The following THSD7B variants were observed in gnomAD, a reference collection of about 807,000 sequenced individuals.
THSD7B encodes the protein thrombospondin type 1 domain containing 7B.
In THSD7B, 138 loss-of-function variants were observed where a neutral mutation model predicts 213.6. The observed-to-expected ratio is 0.65, with a 90% CI of 0.56 to 0.74. The LOEUF (loss-of-function observed/expected upper bound fraction) is 0.74. Ranked by LOEUF, THSD7B falls within the 30% of genes least tolerant of loss-of-function variation. THSD7B has a pLI of 0.00. For missense variants in THSD7B, 1,931 were observed against 1,991.5 expected (o/e 0.97, Z 0.58); for synonymous variants, 742 against 687.0 (o/e 1.08, Z -1.25).
intron 17 of THSD7B, among the ~76,000 whole-genome samples, chr2:137,587,900 C>T (rs1178832687): frequency 2.0e-5 from 3 of 152,224 alleles, no homozygotes; most frequent in Non-Finnish European, 4.4e-5. Context: ...GAGGTTTCTG[C>T]TGCCTTTTGT....
intron 10 of THSD7B, among the ~76,000 whole-genome samples, chr2:137,249,248 T>C (rs1682113825): frequency 6.6e-6 from 1 of 152,126 alleles, no homozygotes; most frequent in South Asian, 2.1e-4. Context: ...TATTTTTTCC[T>C]ATATATTTTT....
chr2:137,289,230 G>T (rs1014630532), intron 12 of THSD7B, among the ~76,000 whole-genome samples: 10 of 151,472 alleles, frequency 6.6e-5, no homozygotes, highest in Admixed American at 2.0e-4. Flanking sequence ...TGAATAAAAG[G>T]GTGAAGAAGG....
chr2:137,240,088 A>T (rs1375843932), intron 9 of THSD7B, among the ~76,000 whole-genome samples: 1 of 152,196 alleles, frequency 6.6e-6, no homozygotes, highest in African/African-American at 2.4e-5. Context: ...GTTTCAACAT[A>T]TAGATTTTGG....
chr2:136,983,662 G>C (rs1292397956), intron 2 of THSD7B, among the ~76,000 whole-genome samples: 4 of 152,070 alleles, frequency 2.6e-5, no homozygotes, highest in South Asian at 2.1e-4. Context: ...AAATTCTTAG[G>C]TTCTGTATAG....
chr2:137,628,756 A>G (rs1682683774), intron 20 of THSD7B, among the ~76,000 whole-genome samples: 1 of 152,180 alleles, frequency 6.6e-6, no homozygotes, highest in Admixed American at 6.5e-5. Flanking sequence ...AACATGGCCC[A>G]CAGGAATCTT....
At chr2:137,057,260 T>C in intron 3 of THSD7B, 30 bp downstream of exon 3, 3 of 1,525,734 alleles carry the variant, frequency 2.0e-6, no homozygotes, top group South Asian at 1.3e-5. Context: ...TGAATTTGAT[T>C]CACCTAAAAT....
intron 12 of THSD7B, among the ~76,000 whole-genome samples, chr2:137,278,762 G>T (rs897727702): frequency 6.6e-6 from 1 of 152,080 alleles, no homozygotes; most frequent in Non-Finnish European, 1.5e-5. Context: ...GACCTGTCAG[G>T]TTTGACCTGG....
intron 2 of THSD7B, among the ~76,000 whole-genome samples, chr2:136,982,247 C>G (rs1465258949): frequency 6.6e-6 from 1 of 151,880 alleles, no homozygotes; most frequent in Non-Finnish European, 1.5e-5. Flanking sequence ...GTTTCTCTCT[C>G]CAAAATACTC....
chr2:137,539,900 A>T (rs1680580166), intron 15 of THSD7B, among the ~76,000 whole-genome samples: 2 of 151,710 alleles, frequency 1.3e-5, no homozygotes, highest in African/African-American at 4.8e-5. Flanking sequence ...CTTGCTGAAT[A>T]ATCAATACTT....
intron 2 of THSD7B, among the ~76,000 whole-genome samples, chr2:136,968,624 C>T (rs1685356742): frequency 6.6e-6 from 1 of 152,058 alleles, no homozygotes; most frequent in East Asian, 1.9e-4. Context: ...TGTAGAGATG[C>T]TTATCAATAA....
chr2:137,078,647 T>G (rs1028698401), intron 3 of THSD7B, among the ~76,000 whole-genome samples: 3 of 152,128 alleles, frequency 2.0e-5, no homozygotes, highest in Non-Finnish European at 2.9e-5. Flanking sequence ...CATGCTTTCT[T>G]TATGTATGTA....
intron 1 of THSD7B, among the ~76,000 whole-genome samples, chr2:136,846,693 A>G (rs1382208496): frequency 6.6e-6 from 1 of 152,158 alleles, no homozygotes; most frequent in African/African-American, 2.4e-5. Flanking sequence ...TTTTACTTGT[A>G]TAATGTAGAA....
intron 7 of THSD7B, among the ~76,000 whole-genome samples, chr2:137,201,418 A>G (rs1184669367): frequency 6.6e-6 from 1 of 152,042 alleles, no homozygotes; most frequent in Admixed American, 6.6e-5. Flanking sequence ...TGTTGATTTC[A>G]GTTCCTTTTG....
intron 9 of THSD7B, among the ~76,000 whole-genome samples, chr2:137,233,405 T>A (rs1454760962): frequency 1.3e-5 from 2 of 152,228 alleles, no homozygotes; most frequent in Non-Finnish European, 2.9e-5. Context: ...TGCTTTTGAA[T>A]AATCAAATTT....
At chr2:137,138,694 C>G (rs1432205) in intron 5 of THSD7B, among the ~76,000 whole-genome samples, 1 of 152,064 alleles carries the variant, frequency 6.6e-6, no homozygotes, top group African/African-American at 2.4e-5. Flanking sequence ...GAGCAACCCA[C>G]CACATGTTTA....
chr2:137,001,689 T>C (rs1325980912), intron 2 of THSD7B, among the ~76,000 whole-genome samples: 1 of 152,170 alleles, frequency 6.6e-6, no homozygotes, highest in Non-Finnish European at 1.5e-5. Flanking sequence ...GATGCAGTAC[T>C]AAAGGCTCCA....
chr2:137,107,071 A>G (rs10169525), intron 4 of THSD7B, among the ~76,000 whole-genome samples: 14,238 of 152,236 alleles, frequency 0.094, 1,095 homozygotes, highest in African/African-American at 0.21. Flanking sequence ...AAATCATTCT[A>G]CTATAAAGGC....
At chr2:137,484,703 G>T (rs1573653153) in intron 15 of THSD7B, among the ~76,000 whole-genome samples, 2 of 34,852 alleles carry the variant, frequency 5.7e-5, no homozygotes, top group African/African-American at 1.0e-4. Context: ...ACTTTTTAAT[G>T]ATTGCCCTTC....
chr2:137,001,946 C>T (rs1202860216), intron 2 of THSD7B, among the ~76,000 whole-genome samples: 1 of 152,010 alleles, frequency 6.6e-6, no homozygotes, highest in Non-Finnish European at 1.5e-5. Context: ...GTGTATTCAT[C>T]ATTTTATTCC....
Sources: allele counts gnomAD v4.1 joint callset (sites outside exome capture counted in the v4.1 genomes callset), GRCh38; gene constraint gnomAD v4.1.1; transcripts MANE v1.5; gene names NCBI Gene and HGNC (gene_info 2026-07-23, HGNC 2026-07-21).